Variants in SYCE3 observed in about 807,000 individuals in gnomAD.
SYCE3 encodes the protein synaptonemal complex central element protein 3.
Under a neutral mutation model 8.1 loss-of-function variants are expected in SYCE3, and 3 were observed. That is an observed-to-expected ratio of 0.37 (90% CI 0.17 to 0.96). The LOEUF is 0.96. Ranked by LOEUF, SYCE3 falls within the 40% of genes least tolerant of loss-of-function variation. SYCE3 has a pLI of 0.41. For synonymous variants in SYCE3, 36 were observed against 38.7 expected, an observed-to-expected ratio of 0.93 and a Z score of 0.26; for missense variants, 83 against 110.0, an observed-to-expected ratio of 0.75 and a Z score of 1.10.
intron 1 of SYCE3, among the ~76,000 whole-genome samples, chr22:50,560,449 C>T (rs891308719): frequency 2.6e-5 from 4 of 152,022 alleles, no homozygotes; most frequent in African/African-American, 9.7e-5. Context: ...CTGGAAGATC[C>T]CCTCTGCAAA....
intron 1 of SYCE3, among the ~76,000 whole-genome samples, chr22:50,561,466 C>G (rs888780495): frequency 6.9e-6 from 1 of 144,528 alleles, no homozygotes; most frequent in Non-Finnish European, 1.5e-5. Flanking sequence ...GGCCTGAGCC[C>G]GCACCAAAGC....
In SYCE3 at chr22:50,556,412, A is replaced by C. The variant is rs6009995; in HGVS notation, c.1-7T>G. 0.039 allele frequency: 59,657 copies of C among 1,543,926 alleles called. 2,764 individuals are homozygous for C. The highest frequency in any genetic ancestry group is 0.23 in the African/African-American group (16,782 of 72,914). ...CAGGGTCAGCATCATCCATCTAGGC[A>C]ATGCACAGAAAGAAGCTGCAGTCAG... On this transcript the variant is annotated splice_region_variant and splice_polypyrimidine_tract_variant and intron_variant, in intron 1 of 2. Transcript: ENST00000406915.
intron 2 of SYCE3, among the ~76,000 whole-genome samples, chr22:50,554,712 A>AG (rs66963908): frequency 1.4e-5 from 2 of 146,962 alleles, no homozygotes; most frequent in Non-Finnish European, 3.0e-5. Flanking sequence ...AAAAAAAAAA[A>AG]GGCCAGGCGC....
intron 2 of SYCE3, among the ~76,000 whole-genome samples, chr22:50,552,214 T>C (rs1196797623): frequency 2.0e-5 from 3 of 152,082 alleles, no homozygotes; most frequent in East Asian, 1.9e-4. Context: ...CTTTGTGGAA[T>C]CCTCACAAGC....
At chr22:50,557,584 T>C (rs972044091) in intron 1 of SYCE3, among the ~76,000 whole-genome samples, 3 of 152,254 alleles carry the variant, frequency 2.0e-5, no homozygotes, top group Admixed American at 6.5e-5. Context: ...TAATAAATCA[T>C]ATCCGTTGTT....
At chr22:50,552,722 T>C (rs917978351) in intron 2 of SYCE3, among the ~76,000 whole-genome samples, 3 of 152,218 alleles carry the variant, frequency 2.0e-5, no homozygotes, top group African/African-American at 4.8e-5. Flanking sequence ...AATGTGTCCC[T>C]CCCACATTCA....
intron 1 of SYCE3, among the ~76,000 whole-genome samples, chr22:50,556,668 A>G (rs1416851361): frequency 6.6e-6 from 1 of 152,240 alleles, no homozygotes; most frequent in Non-Finnish European, 1.5e-5. Context: ...GGAGTCATTA[A>G]CACAGAAAAC....
chr22:50,556,394 A>T lies in SYCE3; in HGVS notation c.12T>A (p.Ala4=). 6.4e-7 allele frequency: 1 copy of T among 1,551,552 alleles called. No individual in the cohort carries two copies. Among genetic ancestry groups the T allele is most frequent in the South Asian group, 1.2e-5 (1 of 84,050 alleles). The part of the protein sequence containing the change: MDD[A]DPEERNYDNM... ...TGTCATAGTTTCTTTCCTCAGGGTC[A>T]GCATCATCCATCTAGGCAATGCACA... Residue 4 remains alanine, a synonymous_variant, in exon 2 of 3, where the codon GCT becomes GCA. Transcript: ENST00000406915.
At chr22:50,554,673 G>A (rs1406365163) in intron 2 of SYCE3, among the ~76,000 whole-genome samples, 6 of 122,040 alleles carry the variant, frequency 4.9e-5, no homozygotes, top group African/African-American at 6.2e-5. Flanking sequence ...AAGCCTGGAC[G>A]ACAGAGCAAG....
rs6009996 is a variant in SYCE3, at chr22:50,556,435, C to A, written c.1-30G>T. 0.039 allele frequency: 57,420 copies of A among 1,455,780 alleles called. 2,707 individuals carry two copies. The highest frequency in any genetic ancestry group is 0.23 in the African/African-American group (16,457 of 71,222). The allele number at this position is 1,455,780 out of a possible 1,614,324, so 90.2% of individuals were successfully genotyped here. A position where few individuals can be genotyped will look rare whatever the true frequency, so the allele number is the denominator to read the frequency against. ...GCAATGCACAGAAAGAAGCTGCAGT[C>A]AGACAGACCTACATTTCAAATCCAG... On this transcript the variant is annotated intron_variant, in intron 1 of 2. Transcript: ENST00000406915.
At chr22:50,553,073 C>T (rs1025458558) in intron 2 of SYCE3, among the ~76,000 whole-genome samples, 4 of 152,104 alleles carry the variant, frequency 2.6e-5, no homozygotes, top group Non-Finnish European at 4.4e-5. Context: ...TGGTGTGCAC[C>T]TGTAGTTGCA....
chr22:50,559,020 C>G (rs934084150), intron 1 of SYCE3, among the ~76,000 whole-genome samples: 5 of 152,210 alleles, frequency 3.3e-5, no homozygotes, highest in Non-Finnish European at 5.9e-5. Context: ...TCTCCAAACT[C>G]TGTCCACCTG....
At chr22:50,554,934 AAC>A (rs1325593523) in intron 2 of SYCE3, among the ~76,000 whole-genome samples, 3 of 151,442 alleles carry the variant, frequency 2.0e-5, no homozygotes, top group African/African-American at 7.3e-5. Context: ...CATCCTGGCT[AAC>A]ACAGTGAAAC....
chr22:50,552,604 C>T (rs131777), intron 2 of SYCE3, among the ~76,000 whole-genome samples: 96,816 of 151,906 alleles, frequency 0.64, 31,157 homozygotes, highest in East Asian at 0.88. Context: ...GTTATATATA[C>T]ATAAATCTCA....
chr22:50,561,481 T>C lies in SYCE3; in HGVS notation c.-1+1377A>G, dbSNP rs1481159184. Among the ~76,000 whole-genome samples, 3 of 126,440 alleles carry C rather than the reference T, an allele frequency of 2.4e-5. No individual in the cohort carries two copies. In the Admixed American group the frequency reaches 2.7e-4, roughly 12 times the overall value. The allele number at this position is 126,440 out of a possible 152,430, so 82.9% of individuals were successfully genotyped here. A position where few individuals can be genotyped will look rare whatever the true frequency, so the allele number is the denominator to read the frequency against. ...GGCCTGAGCCCGCACCAAAGCACAA[T>C]GGAACGGAGCTTAGGATGGGTGGCG... On this transcript the variant is annotated intron_variant, in intron 1 of 2. Coordinates refer to ENST00000406915, the MANE Select transcript of SYCE3 (RefSeq NM_001123225.3).
chr22:50,557,746 C>G (rs1399118115), intron 1 of SYCE3, among the ~76,000 whole-genome samples: 1 of 149,984 alleles, frequency 6.7e-6, no homozygotes, highest in Non-Finnish European at 1.5e-5. Context: ...AATGTAAGAG[C>G]TGCCAGGGAA....
intron 1 of SYCE3, among the ~76,000 whole-genome samples, chr22:50,557,084 G>A (rs6009998): frequency 3.3e-5 from 5 of 151,798 alleles, no homozygotes; most frequent in East Asian, 1.9e-4. Context: ...AAATCTTGGC[G>A]CTACCTCATA....
intron 2 of SYCE3, 47 bp from the exon 3 acceptor site, chr22:50,551,449 G>T: frequency 6.6e-7 from 1 of 1,519,356 alleles, no homozygotes. Flanking sequence ...AGGGGCTGCA[G>T]CTCTGGGGTG....
intron 1 of SYCE3, among the ~76,000 whole-genome samples, chr22:50,560,917 G>A (rs1036206913): frequency 1.3e-5 from 2 of 152,142 alleles, no homozygotes; most frequent in Non-Finnish European, 2.9e-5. Context: ...CTAATAAATG[G>A]CAATGAAAAG....
Sources: gnomAD v4.1 joint callset for allele counts (sites outside exome capture counted in the v4.1 genomes callset) on GRCh38, gnomAD v4.1.1 for gene constraint, MANE v1.5 for transcripts, NCBI Gene and HGNC (gene_info 2026-07-23, HGNC 2026-07-21) for gene names.